ARHGAP36: variants seen among roughly 807,000 people sequenced by gnomAD.
ARHGAP36 encodes the protein rho GTPase-activating protein 36.
Under a neutral mutation model 32.9 loss-of-function variants are expected in ARHGAP36, and 7 were observed. The observed-to-expected ratio is 0.21, with a 90% CI of 0.12 to 0.40. The LOEUF (loss-of-function observed/expected upper bound fraction) is 0.40. Among genes scored for constraint, ARHGAP36 ranks in the 10% least tolerant of loss-of-function variants. The pLI, the probability that ARHGAP36 is intolerant of heterozygous loss-of-function variation, is 1.00. For synonymous variants in ARHGAP36, 165 were observed against 168.3 expected, an observed-to-expected ratio of 0.98 and a Z score of 0.15; for missense variants, 383 against 442.2, an observed-to-expected ratio of 0.87 and a Z score of 1.20.
chrX:131,087,529 G>A (rs1385128455), intron 11 of ARHGAP36, among the ~76,000 whole-genome samples: 1 of 111,678 alleles, frequency 9.0e-6, no homozygotes, highest in Non-Finnish European at 1.9e-5. Context: ...AGAGGTCTCA[G>A]ATTTTGATGG....
intron 1 of ARHGAP36, among the ~76,000 whole-genome samples, chrX:131,081,135 T>C (rs1016525036): frequency 2.7e-5 from 3 of 110,355 alleles, no homozygotes; most frequent in Non-Finnish European, 5.7e-5. Context: ...GATAGATTCC[T>C]AGAAGGGGAG....
In ARHGAP36 at chrX:131,089,126, G is replaced by T. The variant is rs1292623915; in HGVS notation, c.*341G>T. On this transcript the variant is annotated 3_prime_UTR_variant, in exon 12 of 12. Coordinates refer to ENST00000276211, the MANE Select transcript of ARHGAP36 (RefSeq NM_144967.4). ...CATTTGTGGTAAACACCTTTCCCAGGGAACCTCACAAATCTTGAGATGCTT... is the reference window on the plus strand; with the variant it reads ...CATTTGTGGTAAACACCTTTCCCAGTGAACCTCACAAATCTTGAGATGCTT... 9 of 160,756 alleles carry T rather than the reference G, an allele frequency of 5.6e-5. No homozygotes were observed. The highest frequency in any genetic ancestry group is 9.3e-5 in the Non-Finnish European group (8 of 86,190). 13.2% of individuals were successfully genotyped at this position (160,756 alleles called of 1,213,427 possible).
chrX:131,081,217 T>C (rs755806211), intron 1 of ARHGAP36, among the ~76,000 whole-genome samples: 1 of 109,962 alleles, frequency 9.1e-6, no homozygotes, highest in East Asian at 2.8e-4. Context: ...TCTGGACTTG[T>C]CTGAATTTGC....
intron 1 of ARHGAP36, among the ~76,000 whole-genome samples, chrX:131,062,663 T>C (rs1159800822): frequency 1.8e-5 from 2 of 112,157 alleles, no homozygotes; most frequent in African/African-American, 6.5e-5. Flanking sequence ...TTATTACTGC[T>C]GTTGTAGATG....
intron 2 of ARHGAP36, 40 bp from the exon 3 acceptor site, chrX:131,083,125 C>A (rs1047737320): frequency 1.7e-6 from 2 of 1,167,031 alleles, no homozygotes; most frequent in Non-Finnish European, 2.3e-6. Context: ...TTATTAAGTC[C>A]TATTTGTAAG....
At chrX:131,079,799 C>A (rs2079785683) in intron 1 of ARHGAP36, among the ~76,000 whole-genome samples, 1 of 111,221 alleles carries the variant, frequency 9.0e-6, no homozygotes, top group Non-Finnish European at 1.9e-5. Context: ...CCTGAATTAT[C>A]TTCTCTATCA....
At chrX:131,063,807 C>G (rs2079682880) in intron 1 of ARHGAP36, among the ~76,000 whole-genome samples, 1 of 107,680 alleles carries the variant, frequency 9.3e-6, no homozygotes, top group African/African-American at 3.4e-5. Context: ...GCTTTTGTCT[C>G]TAGAGGGAGG....
chrX:131,072,362 C>T (rs2079737682), intron 1 of ARHGAP36, among the ~76,000 whole-genome samples: 1 of 112,091 alleles, frequency 8.9e-6, no homozygotes, highest in African/African-American at 3.2e-5. Flanking sequence ...GAAGGGGAAA[C>T]AAAAAGCAGA....
intron 5 of ARHGAP36, 66 bp from the exon 6 acceptor site, chrX:131,084,560 G>A: frequency 8.5e-7 from 1 of 1,178,869 alleles, no homozygotes; most frequent in South Asian, 1.8e-5. Flanking sequence ...GGGGGTGAGG[G>A]GAGAAGAGAA....
chrX:131,077,806 T>TA lies in ARHGAP36; in HGVS notation c.-142-3718_-142-3717insA, dbSNP rs2079772358. 1.7e-3 allele frequency among the ~76,000 whole-genome samples: 160 copies of TA among 92,781 alleles called. 2 individuals carry two copies. Among genetic ancestry groups the TA allele is most frequent in the African/African-American group, 6.4e-3 (155 of 24,263 alleles). 80.6% of individuals were successfully genotyped at this position (92,781 alleles called of 115,157 possible). On this transcript the variant is annotated intron_variant, in intron 1 of 11. Transcript: ENST00000276211. Reference sequence around the variant, plus strand: ...ATATATATATATATATATATATATATTGCTAGTGACAATGTAGAATTGGAT... The same window carrying TA: ...ATATATATATATATATATATATATATATGCTAGTGACAATGTAGAATTGGAT...
rs1445922296 is a variant in ARHGAP36, at chrX:131,088,949, C to T, written c.*164C>T. On this transcript the variant is annotated 3_prime_UTR_variant, in exon 12 of 12. Transcript: ENST00000276211. ...TGAGAATTCCAAACACACTGCCAGCCCCTTCACTGGGGATGCTTGGTCTCT... is the reference window on the plus strand; with the variant it reads ...TGAGAATTCCAAACACACTGCCAGCTCCTTCACTGGGGATGCTTGGTCTCT... 1 of 712,572 alleles carries T rather than the reference C, an allele frequency of 1.4e-6. No individual in the cohort carries two copies. The highest frequency in any genetic ancestry group is 1.9e-6 in the Non-Finnish European group (1 of 513,238). 58.7% of individuals were successfully genotyped at this position (712,572 alleles called of 1,213,427 possible).
intron 1 of ARHGAP36, among the ~76,000 whole-genome samples, chrX:131,068,863 A>G (rs1303647822): frequency 9.0e-6 from 1 of 111,716 alleles, no homozygotes; most frequent in Non-Finnish European, 1.9e-5. Flanking sequence ...TTCTACGTAA[A>G]GGGCAATGGC....
intron 3 of ARHGAP36, 119 bp downstream of exon 3, chrX:131,083,349 C>A: frequency 1.4e-6 from 1 of 717,369 alleles, no homozygotes; most frequent in Non-Finnish European, 2.1e-6. Context: ...CTCTCCTCAG[C>A]TCCCAAACCC....
At chrX:131,082,139 G>A (rs985702777) in intron 2 of ARHGAP36, among the ~76,000 whole-genome samples, 1 of 111,953 alleles carries the variant, frequency 8.9e-6, no homozygotes, top group Non-Finnish European at 1.9e-5. Flanking sequence ...CGAAGGCTGG[G>A]AGTTGAGGGG....
In ARHGAP36 at chrX:131,084,294, C is replaced by T. The variant is rs1460939004; in HGVS notation, c.635C>T (p.Ser212Phe). 2.5e-6 allele frequency: 3 copies of T among 1,211,854 alleles called. No individual in the cohort carries two copies. The Admixed American group carries it at 6.5e-5, about 26-fold the overall frequency. ...LLQTLQLSKISFPIGQRLLGS... is the reference protein window; with the variant it reads ...LLQTLQLSKIFFPIGQRLLGS... ...CAGACCCTGCAGCTTTCAAAAATTT[C>T]CTTTCCAATTGGCCAACGACTTCTG... Residue 212 changes from serine to phenylalanine, a missense_variant, in exon 5 of 12, where the codon TCC (serine) becomes TTC (phenylalanine). Coordinates refer to ENST00000276211, the MANE Select transcript of ARHGAP36 (RefSeq NM_144967.4).
At chrX:131,070,641 C>G (rs1219652098) in intron 1 of ARHGAP36, among the ~76,000 whole-genome samples, 2 of 111,566 alleles carry the variant, frequency 1.8e-5, no homozygotes, top group African/African-American at 6.5e-5. Context: ...AGGTACTTCA[C>G]CTATGTCATT....
At position 131,066,243 on chromosome X, in the gene ARHGAP36, A is replaced by T. The variant is rs180939471; in HGVS notation, c.-143+7799A>T. 4.5e-5 allele frequency among the ~76,000 whole-genome samples: 5 copies of T among 111,901 alleles called. No homozygotes were observed. In the East Asian group the frequency reaches 1.1e-3, roughly 25 times the overall value. Reference sequence around the variant, plus strand: ...TTTCTACATGCAGTTTGGTATGCAGATGCTTGCTCTATTTGAAATTCGCCA... The same window carrying T: ...TTTCTACATGCAGTTTGGTATGCAGTTGCTTGCTCTATTTGAAATTCGCCA... On this transcript the variant is annotated intron_variant, in intron 1 of 11. Transcript: ENST00000276211.
rs781761391 is a variant in ARHGAP36 at position 131,081,868 on chromosome X, A to G, written c.203A>G (p.Tyr68Cys). The G allele has an allele frequency of 8.3e-7, 1 of 1,210,461 alleles. No homozygotes were observed. The highest frequency in any genetic ancestry group is 1.1e-6 in the Non-Finnish European group (1 of 895,427). ...CGTCTGAAGCTGCAAGAGACTGCTT[A>G]CCACGAACTCGTGGCCAGACATTTC... is the stretch of plus-strand genomic sequence containing the variant. ...LERLKLQETA[Y>C]HELVARHFLS... is the part of the protein sequence containing the mutation. Residue 68 changes from tyrosine to cysteine, a missense_variant, in exon 2 of 12, where the codon TAC becomes TGC. This residue lies in a region of ARHGAP36 where 156 missense variants were observed against 131.0 expected (regional missense o/e 1.19). Coordinates refer to ENST00000276211, the MANE Select transcript of ARHGAP36 (RefSeq NM_144967.4).
intron 6 of ARHGAP36, 54 bp from the exon 7 acceptor site, chrX:131,084,860 A>T (rs1412330438): frequency 5.8e-6 from 7 of 1,198,090 alleles, no homozygotes; most frequent in Non-Finnish European, 7.9e-6. Context: ...AGGAATGACC[A>T]AGATGGAGCT....
Sources: gnomAD v4.1 joint callset for allele counts (sites outside exome capture counted in the v4.1 genomes callset) on GRCh38, gnomAD v4.1.1 for gene constraint, gnomAD v4.1.1 regional missense constraint, MANE v1.5 for transcripts, NCBI Gene and HGNC (gene_info 2026-07-23, HGNC 2026-07-21) for gene names.